The following PLCE1 variants were observed in gnomAD, a reference collection of about 807,000 sequenced individuals.
The protein encoded by PLCE1 is 1-phosphatidylinositol 4,5-bisphosphate phosphodiesterase epsilon-1.
Under a neutral mutation model 242.8 loss-of-function variants are expected in PLCE1, and 119 were observed. That is an observed-to-expected ratio of 0.49 (90% CI 0.42 to 0.57). PLCE1 has a LOEUF of 0.57. Among genes scored for constraint, PLCE1 ranks in the 20% least tolerant of loss-of-function variants. The probability of loss-of-function intolerance (pLI) is 0.00; values close to 1 mark genes in which losing one functional copy is unlikely to be tolerated. For missense variants in PLCE1, 2,441 were observed against 2,788.8 expected (o/e 0.88, Z 2.81); for synonymous variants, 945 against 1,017.4 (o/e 0.93, Z 1.35).
chr10:94,052,710 A>C (rs1430313164), intron 2 of PLCE1, among the ~76,000 whole-genome samples: 2 of 152,018 alleles, frequency 1.3e-5, no homozygotes, highest in African/African-American at 2.4e-5. Context: ...TCCTATTTGG[A>C]CTGAAAAATT....
At chr10:94,213,957 A>G (rs531938564) in intron 4 of PLCE1, among the ~76,000 whole-genome samples, 2 of 152,274 alleles carry the variant, frequency 1.3e-5, no homozygotes, top group African/African-American at 2.4e-5. Flanking sequence ...ACTCCTTATG[A>G]TACCGGGCAT....
At chr10:94,274,116 T>A (rs1382706170) in intron 19 of PLCE1, among the ~76,000 whole-genome samples, 1 of 152,128 alleles carries the variant, frequency 6.6e-6, no homozygotes, top group Non-Finnish European at 1.5e-5. Context: ...GCCATAGCCC[T>A]GTGATCCCAG....
At chr10:94,319,864 C>CCTT (rs1215283955) in intron 29 of PLCE1, among the ~76,000 whole-genome samples, 2 of 92,914 alleles carry the variant, frequency 2.2e-5, no homozygotes, top group African/African-American at 7.5e-5. Flanking sequence ...CAAAGGTGCT[C>CCTT]TTTTTTTTTT....
intron 1 of PLCE1, among the ~76,000 whole-genome samples, chr10:94,013,958 A>G (rs555946285): frequency 1.2e-3 from 179 of 151,578 alleles, no homozygotes; most frequent in Non-Finnish European, 1.8e-3. Flanking sequence ...ATGGCCACCT[A>G]TGGGTTATGT....
At chr10:94,183,645 T>C (rs1564765595) in intron 4 of PLCE1, among the ~76,000 whole-genome samples, 1 of 152,208 alleles carries the variant, frequency 6.6e-6, no homozygotes, top group Admixed American at 6.5e-5. Flanking sequence ...TATAGAGAGA[T>C]ACCTGAGGCT....
intron 4 of PLCE1, among the ~76,000 whole-genome samples, chr10:94,208,747 T>C (rs1403123560): frequency 6.6e-6 from 1 of 152,222 alleles, no homozygotes; most frequent in East Asian, 1.9e-4. Flanking sequence ...CAATAGGATA[T>C]TCTGAAGAAA....
chr10:94,032,303 C>CA (rs766251269), intron 2 of PLCE1, 51 bp downstream of exon 2: 67 of 1,513,526 alleles, frequency 4.4e-5, no homozygotes, highest in African/African-American at 1.1e-4. Context: ...CTTTTTTTTT[C>CA]AAAAAAAAGT....
chr10:94,283,723 A>G, intron 20 of PLCE1, 67 bp from the exon 21 acceptor site: 1 of 1,540,910 alleles, frequency 6.5e-7, no homozygotes, highest in South Asian at 1.1e-5. Flanking sequence ...CCTCACAGTG[A>G]TGCACATGTA....
chr10:94,110,003 G>A (rs961699843), intron 2 of PLCE1, among the ~76,000 whole-genome samples: 1 of 137,210 alleles, frequency 7.3e-6, no homozygotes, highest in African/African-American at 2.7e-5. Context: ...GGCAAATCAC[G>A]TTTGCCTTTC....
At chr10:94,173,512 C>T (rs1381426113) in intron 4 of PLCE1, among the ~76,000 whole-genome samples, 2 of 152,224 alleles carry the variant, frequency 1.3e-5, no homozygotes, top group Non-Finnish European at 2.9e-5. Flanking sequence ...TACCCACTCT[C>T]ACATCCTTAG....
intron 2 of PLCE1, among the ~76,000 whole-genome samples, chr10:94,069,042 G>A (rs963509043): frequency 6.6e-6 from 1 of 152,310 alleles, no homozygotes; most frequent in Non-Finnish European, 1.5e-5. Context: ...GAAAGAAAAG[G>A]AATCCTTTAC....
chr10:94,312,778 A>G (rs1397466964), intron 27 of PLCE1, among the ~76,000 whole-genome samples: 1 of 152,220 alleles, frequency 6.6e-6, no homozygotes, highest in African/African-American at 2.4e-5. Flanking sequence ...ATATCTTAAT[A>G]CACAAAATGC....
At chr10:94,014,532 TAC>T (rs984373638) in intron 1 of PLCE1, among the ~76,000 whole-genome samples, 6 of 152,176 alleles carry the variant, frequency 3.9e-5, no homozygotes, top group Admixed American at 1.3e-4. Flanking sequence ...AAATAAAGTG[TAC>T]AGTTCCGTGG....
chr10:94,162,232 T>C (rs1178764991), intron 3 of PLCE1, among the ~76,000 whole-genome samples: 1 of 152,230 alleles, frequency 6.6e-6, no homozygotes, highest in African/African-American at 2.4e-5. Context: ...GAAGAAATGG[T>C]ACCAGCTCCT....
intron 2 of PLCE1, among the ~76,000 whole-genome samples, chr10:94,114,445 C>A (rs1050717253): frequency 6.6e-6 from 1 of 152,188 alleles, no homozygotes; most frequent in African/African-American, 2.4e-5. Context: ...GAGCCAGCAA[C>A]TTTTCATCCA....
chr10:94,101,631 C>G (rs2045540180), intron 2 of PLCE1, among the ~76,000 whole-genome samples: 2 of 152,088 alleles, frequency 1.3e-5, no homozygotes, highest in Non-Finnish European at 2.9e-5. Flanking sequence ...GTGAGCTACT[C>G]GGTAAATACA....
intron 2 of PLCE1, among the ~76,000 whole-genome samples, chr10:94,096,155 G>A (rs1386658082): frequency 2.0e-5 from 3 of 152,164 alleles, no homozygotes; most frequent in Non-Finnish European, 4.4e-5. Flanking sequence ...AGTATGGAAT[G>A]ATGTTAAAGA....
intron 2 of PLCE1, among the ~76,000 whole-genome samples, chr10:94,074,187 C>CTT (rs1015998359): frequency 4.1e-4 from 51 of 123,122 alleles, no homozygotes; most frequent in African/African-American, 1.2e-3. Context: ...CCAAGCAGTT[C>CTT]TTTTTTTTTT....
chr10:94,282,734 G>A (rs910962150), intron 20 of PLCE1, among the ~76,000 whole-genome samples: 2 of 152,020 alleles, frequency 1.3e-5, no homozygotes, highest in African/African-American at 4.8e-5. Flanking sequence ...TAATTTATCT[G>A]GTGTTTGTCT....
Sources: allele counts gnomAD v4.1 joint callset (sites outside exome capture counted in the v4.1 genomes callset), GRCh38; gene constraint gnomAD v4.1.1; transcripts MANE v1.5; gene names NCBI Gene and HGNC (gene_info 2026-07-23, HGNC 2026-07-21).